C10orf90: variants seen among roughly 807,000 people sequenced by gnomAD.
C10orf90 encodes the protein chromosome 10 open reading frame 90.
A neutral mutation model predicts 62.5 loss-of-function variants in C10orf90; 56 were observed. The observed-to-expected ratio is 0.90, with a 90% confidence interval of 0.72 to 1.12. C10orf90 has a LOEUF of 1.12. C10orf90 is among the 50% of genes most tolerant of loss of function. The probability of loss-of-function intolerance (pLI) is 0.00; values close to 1 mark genes in which losing one functional copy is unlikely to be tolerated. For missense variants in C10orf90, 970 were observed against 880.4 expected, an observed-to-expected ratio of 1.10 and a Z score of -1.29; for synonymous variants, 386 against 340.4, an observed-to-expected ratio of 1.13 and a Z score of -1.47.
At chr10:126,614,850 T>C (rs978471) in intron 2 of C10orf90, among the ~76,000 whole-genome samples, 58,987 of 152,062 alleles carry the variant, frequency 0.39, 12,690 homozygotes, top group African/African-American at 0.58. Context: ...GTAGAAATAC[T>C]CTTTTCTCTA....
chr10:126,606,946 A>G (rs1010387922), intron 2 of C10orf90, among the ~76,000 whole-genome samples: 3 of 152,238 alleles, frequency 2.0e-5, no homozygotes, highest in Non-Finnish European at 2.9e-5. Context: ...AACTGCTAAA[A>G]GTAGGCATCT....
chr10:126,563,443 G>C (rs114909640), intron 2 of C10orf90, among the ~76,000 whole-genome samples: 5,094 of 152,290 alleles, frequency 0.033, 166 homozygotes, highest in African/African-American at 0.083. Context: ...TGGTCACTGG[G>C]TGTGCAGCGT....
rs779027137 is a variant in C10orf90, at chr10:126,504,594, G to A, written c.897C>T (p.Ser299=). Reference sequence around the variant, plus strand: ...CGGGAACCTTCAGCCGCACCACGGAGCTGTTTCTGGAGAACTCTGTGCAGG... The same window carrying A: ...CGGGAACCTTCAGCCGCACCACGGAACTGTTTCTGGAGAACTCTGTGCAGG... ...SFACTEFSRN[S]SVVRLKVPEA... is the part of the protein sequence containing the mutation. The change falls in exon 4 of 10, where the codon AGC becomes AGT. Residue 299 remains serine (S), a synonymous_variant. Coordinates refer to ENST00000488181, the MANE Select transcript of C10orf90 (RefSeq NM_001350921.2). This position sits in a 1 kb window ranked among gnomAD's most constrained non-coding sequence, Gnocchi z 4.1. The A allele has an allele frequency of 3.7e-6, 6 of 1,614,098 alleles. No individual in the cohort carries two copies. The Admixed American group carries it at 5.0e-5, about 13-fold the overall frequency.
At chr10:126,483,558 A>C (rs930732097) in intron 4 of C10orf90, among the ~76,000 whole-genome samples, 1 of 152,230 alleles carries the variant, frequency 6.6e-6, no homozygotes, top group African/African-American at 2.4e-5. Context: ...AGCCTAGTCA[A>C]CATTGTCTGA....
intron 1 of C10orf90, among the ~76,000 whole-genome samples, chr10:126,659,754 T>C (rs1263013540): frequency 6.6e-6 from 1 of 152,242 alleles, no homozygotes; most frequent in Non-Finnish European, 1.5e-5. Context: ...CATCTGTCTG[T>C]CTGTGATCAC....
At chr10:126,565,325 A>G (rs1203834263) in intron 2 of C10orf90, among the ~76,000 whole-genome samples, 1 of 53,132 alleles carries the variant, frequency 1.9e-5, no homozygotes, top group Non-Finnish European at 3.1e-5. Context: ...TATATATTAT[A>G]TATTTATATT....
At chr10:126,455,239 G>A (rs1376779766) in intron 7 of C10orf90, among the ~76,000 whole-genome samples, 6 of 151,910 alleles carry the variant, frequency 3.9e-5, no homozygotes, top group East Asian at 1.9e-4. Context: ...TTGCCTCCCC[G>A]CCCATCCCCA....
At chr10:126,460,825 G>T (rs1458147840) in intron 6 of C10orf90, among the ~76,000 whole-genome samples, 1 of 152,158 alleles carries the variant, frequency 6.6e-6, no homozygotes, top group Non-Finnish European at 1.5e-5. Context: ...GTGGCTAGCT[G>T]TGCAATACAG....
At chr10:126,622,999 C>T (rs926833746) in intron 2 of C10orf90, among the ~76,000 whole-genome samples, 18 of 152,190 alleles carry the variant, frequency 1.2e-4, no homozygotes, top group Non-Finnish European at 1.9e-4. Context: ...TCAAAAGGCT[C>T]GATGCCATCA....
chr10:126,458,759 T>C (rs1486565062), intron 7 of C10orf90, among the ~76,000 whole-genome samples: 1 of 152,232 alleles, frequency 6.6e-6, no homozygotes, highest in African/African-American at 2.4e-5. Context: ...TTGAACTTGC[T>C]ACCCTGGCTG....
chr10:126,491,476 A>G (rs566460881), intron 4 of C10orf90, among the ~76,000 whole-genome samples: 3 of 152,336 alleles, frequency 2.0e-5, no homozygotes, highest in Middle Eastern at 6.8e-3. Context: ...AAAACAAACA[A>G]CAGAGTACAG....
chr10:126,438,581 T>G (rs1331852000), intron 7 of C10orf90, among the ~76,000 whole-genome samples: 5 of 152,170 alleles, frequency 3.3e-5, no homozygotes, highest in Non-Finnish European at 7.4e-5. Flanking sequence ...AAGGAACTGG[T>G]TCTCCTCTGG....
chr10:126,597,416 G>A (rs1029862728), intron 2 of C10orf90, among the ~76,000 whole-genome samples: 2 of 152,244 alleles, frequency 1.3e-5, no homozygotes, highest in African/African-American at 2.4e-5. Context: ...TGCGTGATTG[G>A]GGCAGGGCAA....
chr10:126,476,010 C>A (rs2133784592), intron 4 of C10orf90, among the ~76,000 whole-genome samples: 1 of 152,330 alleles, frequency 6.6e-6, no homozygotes, highest in South Asian at 2.1e-4. Flanking sequence ...AATACCTCCA[C>A]TTCCTGCCTC....
intron 2 of C10orf90, among the ~76,000 whole-genome samples, chr10:126,631,954 C>A (rs993217787): frequency 6.6e-6 from 1 of 152,026 alleles, no homozygotes; most frequent in South Asian, 2.1e-4. Flanking sequence ...ACTGTCCTCA[C>A]GTGTGTAGCC....
At chr10:126,618,241 G>A (rs1025056827) in intron 2 of C10orf90, among the ~76,000 whole-genome samples, 5 of 152,168 alleles carry the variant, frequency 3.3e-5, no homozygotes, top group Admixed American at 6.5e-5. Flanking sequence ...GCTATGGCCC[G>A]CATGATGCAT....
intron 7 of C10orf90, among the ~76,000 whole-genome samples, chr10:126,449,857 C>T (rs993980687): frequency 1.3e-5 from 2 of 151,932 alleles, no homozygotes; most frequent in African/African-American, 4.8e-5. Flanking sequence ...ATTAGCCGGG[C>T]ATGGTGGCAT....
intron 2 of C10orf90, among the ~76,000 whole-genome samples, chr10:126,577,336 G>A (rs541088346): frequency 1.5e-3 from 234 of 151,752 alleles, no homozygotes; most frequent in African/African-American, 5.5e-3. Flanking sequence ...AAACTAGCAA[G>A]ATTTCTGGAT....
chr10:126,427,827 G>A (rs778868030), intron 8 of C10orf90, among the ~76,000 whole-genome samples: 16 of 152,216 alleles, frequency 1.1e-4, no homozygotes, highest in East Asian at 1.9e-4. Context: ...CCCAGCTTGC[G>A]TATCATGGGA....
Sources: gnomAD v4.1 joint callset for allele counts (sites outside exome capture counted in the v4.1 genomes callset) on GRCh38, gnomAD v4.1.1 for gene constraint, Gnocchi (gnomAD v3.1) non-coding constraint, MANE v1.5 for transcripts, NCBI Gene and HGNC (gene_info 2026-07-23, HGNC 2026-07-21) for gene names.